Variants in CSMD1 observed in about 807,000 individuals in gnomAD.
CSMD1 encodes the protein CUB and Sushi multiple domains 1, also known as CUB and sushi domain-containing protein 1.
Under a neutral mutation model 417.5 loss-of-function variants are expected in CSMD1, and 213 were observed. The ratio of observed to expected loss-of-function variants is 0.51; its 90% CI spans 0.46 to 0.57. The LOEUF (loss-of-function observed/expected upper bound fraction) is 0.57, where lower values mean the gene tolerates loss of function less well. Among genes scored for constraint, CSMD1 ranks in the 20% least tolerant of loss-of-function variants. The pLI is 0.00. For missense variants in CSMD1, 6,923 were observed against 4,529.7 expected (o/e 1.53, Z -15.17); for synonymous variants, 2,862 against 1,736.8 (o/e 1.65, Z -16.11).
chr8:3,411,061 G>A (rs774709768), intron 12 of CSMD1, among the ~76,000 whole-genome samples: 8 of 152,132 alleles, frequency 5.3e-5, no homozygotes, highest in African/African-American at 9.7e-5. Context: ...CAGAAGGGAG[G>A]CCCTGCCTGT....
chr8:3,684,443 C>A (rs982633465), intron 7 of CSMD1, among the ~76,000 whole-genome samples: 8 of 150,080 alleles, frequency 5.3e-5, no homozygotes, highest in African/African-American at 1.7e-4. Context: ...ACTCATAGTA[C>A]TTAACAATTT....
At chr8:3,143,535 T>G (rs544458648) in intron 40 of CSMD1, among the ~76,000 whole-genome samples, 1 of 152,342 alleles carries the variant, frequency 6.6e-6, no homozygotes, top group Non-Finnish European at 1.5e-5. Flanking sequence ...GTGGCATTTT[T>G]TTTGAAAACT....
intron 26 of CSMD1, among the ~76,000 whole-genome samples, chr8:3,232,600 A>G (rs1798906063): frequency 6.6e-6 from 1 of 152,120 alleles, no homozygotes; most frequent in Non-Finnish European, 1.5e-5. Flanking sequence ...ATGGGCTGCT[A>G]TGTTTTGGAT....
intron 3 of CSMD1, among the ~76,000 whole-genome samples, chr8:4,177,432 T>C (rs1238338746): frequency 6.7e-6 from 1 of 150,038 alleles, no homozygotes; most frequent in South Asian, 2.1e-4. Flanking sequence ...TTCAAAGCAG[T>C]GTGTAGAGGG....
At chr8:3,294,602 G>A (rs1332709910) in intron 25 of CSMD1, among the ~76,000 whole-genome samples, 1 of 152,180 alleles carries the variant, frequency 6.6e-6, no homozygotes, top group African/African-American at 2.4e-5. Flanking sequence ...GCTCCGTGGG[G>A]GTAGGACCCT....
intron 3 of CSMD1, among the ~76,000 whole-genome samples, chr8:4,395,316 C>A (rs74927732): frequency 6.2e-4 from 95 of 152,326 alleles, no homozygotes; most frequent in African/African-American, 2.3e-3. Context: ...ACTTCAGCCC[C>A]TTCGCTATTC....
At chr8:3,241,019 C>T (rs75789172) in intron 26 of CSMD1, among the ~76,000 whole-genome samples, 9 of 147,992 alleles carry the variant, frequency 6.1e-5, no homozygotes, top group South Asian at 2.2e-4. Context: ...GGTGCATGAT[C>T]GGTCACCAAG....
chr8:4,299,979 G>A (rs955193732), intron 3 of CSMD1, among the ~76,000 whole-genome samples: 5 of 152,112 alleles, frequency 3.3e-5, no homozygotes, highest in African/African-American at 4.8e-5. Context: ...ATAGCTATTA[G>A]AATTTCTGTC....
At chr8:3,314,766 T>C (rs1324948043) in intron 23 of CSMD1, among the ~76,000 whole-genome samples, 7 of 152,254 alleles carry the variant, frequency 4.6e-5, no homozygotes, top group African/African-American at 1.7e-4. Context: ...TCTAACAATA[T>C]TAGAGTTCTA....
intron 3 of CSMD1, among the ~76,000 whole-genome samples, chr8:4,052,554 G>A (rs1350411641): frequency 6.6e-6 from 1 of 151,988 alleles, no homozygotes; most frequent in Non-Finnish European, 1.5e-5. Context: ...CAAATTTGAG[G>A]AAGCAAGCTG....
At chr8:4,185,690 T>A (rs1563240572) in intron 3 of CSMD1, among the ~76,000 whole-genome samples, 1 of 152,202 alleles carries the variant, frequency 6.6e-6, no homozygotes, top group South Asian at 2.1e-4. Context: ...GAATGTCTAG[T>A]TTGAAGACAT....
intron 2 of CSMD1, among the ~76,000 whole-genome samples, chr8:4,432,615 G>C (rs977180693): frequency 2.0e-5 from 3 of 152,118 alleles, no homozygotes; most frequent in African/African-American, 7.2e-5. Flanking sequence ...AGGAAACGAA[G>C]CCTCAGAGAT....
chr8:4,760,010 C>G (rs1446494010), intron 1 of CSMD1, among the ~76,000 whole-genome samples: 1 of 152,156 alleles, frequency 6.6e-6, no homozygotes, highest in Non-Finnish European at 1.5e-5. Context: ...AATGGTTGAA[C>G]TAATTTACAT....
intron 10 of CSMD1, among the ~76,000 whole-genome samples, chr8:3,554,476 G>T (rs1799055719): frequency 6.6e-6 from 1 of 152,140 alleles, no homozygotes. Context: ...CCACATTGAG[G>T]GGAAGGGAGG....
chr8:4,477,894 G>C (rs1211298700), intron 2 of CSMD1, among the ~76,000 whole-genome samples: 2 of 152,094 alleles, frequency 1.3e-5, no homozygotes, highest in African/African-American at 2.4e-5. Context: ...TTTATAACTG[G>C]TGGCAAAACC....
intron 12 of CSMD1, among the ~76,000 whole-genome samples, chr8:3,466,468 G>C (rs1204513125): frequency 1.3e-5 from 2 of 151,760 alleles, no homozygotes; most frequent in African/African-American, 2.4e-5. Context: ...GGAGTGCAGT[G>C]GCACGATCTT....
chr8:4,878,474 G>C lies in CSMD1; in HGVS notation c.85+115858C>G, dbSNP rs73503890. Among the ~76,000 whole-genome samples, 465 of 151,898 alleles carry C rather than the reference G, an allele frequency of 3.1e-3. 4 individuals carry two copies. Among genetic ancestry groups the C allele is most frequent in the African/African-American group, 0.011 (444 of 41,356 alleles). ...TTTGGAGGAAGGTAGGTAGAGGTAA[G>C]ACAGCATAGAATCATGATGATGATG... On this transcript the variant is annotated intron_variant, in intron 1 of 69. Transcript: ENST00000635120.
At chr8:3,632,214 G>T (rs1225384225) in intron 7 of CSMD1, among the ~76,000 whole-genome samples, 1 of 152,124 alleles carries the variant, frequency 6.6e-6, no homozygotes, top group East Asian at 1.9e-4. Context: ...AATAATTTTA[G>T]AAAATGCAAT....
intron 1 of CSMD1, among the ~76,000 whole-genome samples, chr8:4,736,849 C>G (rs1235070384): frequency 6.6e-6 from 1 of 152,140 alleles, no homozygotes; most frequent in Non-Finnish European, 1.5e-5. Context: ...AAGAAAATAG[C>G]TCCTACCTAA....
Sources: allele counts gnomAD v4.1 joint callset (sites outside exome capture counted in the v4.1 genomes callset), GRCh38; gene constraint gnomAD v4.1.1; transcripts MANE v1.5; gene names NCBI Gene and HGNC (gene_info 2026-07-23, HGNC 2026-07-21).